Variants in WDR93 observed in about 807,000 individuals in gnomAD.
The protein encoded by WDR93 is WD repeat domain 93.
WDR93 carries 73 observed loss-of-function variants against 82.9 expected under a neutral mutation model. The observed-to-expected ratio is 0.88, with a 90% confidence interval of 0.73 to 1.07. The LOEUF is 1.07. Ranked by LOEUF, WDR93 falls within the 50% of genes least tolerant of loss-of-function variation. The pLI, the probability that WDR93 is intolerant of heterozygous loss-of-function variation, is 0.00. For missense variants in WDR93, 738 were observed against 826.0 expected (o/e 0.89, Z 1.31); for synonymous variants, 283 against 300.1 (o/e 0.94, Z 0.59).
intron 14 of WDR93, among the ~76,000 whole-genome samples, chr15:89,735,935 AAG>A (rs1488868136): frequency 1.3e-5 from 2 of 152,206 alleles, no homozygotes; most frequent in Admixed American, 1.3e-4. Context: ...CCATGGAGGC[AAG>A]AGAGCACCAC....
intron 14 of WDR93, among the ~76,000 whole-genome samples, 181 bp from the exon 15 acceptor site, chr15:89,737,392 G>A (rs1461727167): frequency 6.6e-6 from 1 of 152,210 alleles, no homozygotes; most frequent in African/African-American, 2.4e-5. Flanking sequence ...GGCTGAGGGG[G>A]ACCCCAAGCA....
intron 12 of WDR93, among the ~76,000 whole-genome samples, chr15:89,732,200 T>C (rs1202044682): frequency 1.3e-5 from 2 of 152,230 alleles, no homozygotes; most frequent in African/African-American, 4.8e-5. Flanking sequence ...TTTGCCATTT[T>C]GCAGTTGGAG....
At chr15:89,737,404 AC>A (rs1967289698) in intron 14 of WDR93, among the ~76,000 whole-genome samples, 168 bp from the exon 15 acceptor site, 1 of 152,182 alleles carries the variant, frequency 6.6e-6, no homozygotes, top group Non-Finnish European at 1.5e-5. Context: ...CCCCAAGCAC[AC>A]ATGTGTGTGC....
chr15:89,738,011 A>G (rs1307527358), intron 15 of WDR93, 30 bp from the exon 16 acceptor site: 1 of 1,573,484 alleles, frequency 6.4e-7, no homozygotes, highest in Non-Finnish European at 8.6e-7. Context: ...CGATTGTTAC[A>G]CAGAACATGG....
intron 14 of WDR93, among the ~76,000 whole-genome samples, chr15:89,736,181 C>A (rs112893821): frequency 0.038 from 5,784 of 152,226 alleles, 401 homozygotes; most frequent in African/African-American, 0.13. Flanking sequence ...CTCAGTTCGG[C>A]GATGGACTCC....
At chr15:89,718,827 C>T (rs1247069977) in intron 7 of WDR93, among the ~76,000 whole-genome samples, 1 of 152,156 alleles carries the variant, frequency 6.6e-6, no homozygotes, top group Non-Finnish European at 1.5e-5. Context: ...GTTGGCCAGG[C>T]TAGTCTCGAA....
chr15:89,727,388 C>T (rs1966781337), intron 9 of WDR93, 60 bp downstream of exon 9: 2 of 1,568,922 alleles, frequency 1.3e-6, no homozygotes, highest in Admixed American at 1.8e-5. Flanking sequence ...TGTCTTGGCA[C>T]ATGCAGGAAT....
chr15:89,742,919 T>G (rs964777778), intron 16 of WDR93, among the ~76,000 whole-genome samples: 1 of 152,240 alleles, frequency 6.6e-6, no homozygotes, highest in Non-Finnish European at 1.5e-5. Flanking sequence ...GACTGGCATA[T>G]TTCAGTCAGC....
intron 11 of WDR93, among the ~76,000 whole-genome samples, chr15:89,730,154 A>T (rs1038687261): frequency 2.0e-5 from 3 of 152,090 alleles, no homozygotes; most frequent in African/African-American, 7.2e-5. Flanking sequence ...GTGAAACCCC[A>T]TCTCTACTAA....
intron 1 of WDR93, among the ~76,000 whole-genome samples, chr15:89,694,355 C>T (rs1218392781): frequency 2.0e-5 from 3 of 151,452 alleles, no homozygotes; most frequent in African/African-American, 4.9e-5. Context: ...CTGCCTCAGC[C>T]CCCCGAGTAG....
At chr15:89,729,473 G>A (rs1448900532) in intron 10 of WDR93, among the ~76,000 whole-genome samples, 1 of 152,128 alleles carries the variant, frequency 6.6e-6, no homozygotes, top group Admixed American at 6.5e-5. Context: ...GCAAGAAGGC[G>A]GGTGGGCCCC....
chr15:89,705,745 C>T, intron 4 of WDR93, 127 bp downstream of exon 4: 1 of 687,766 alleles, frequency 1.5e-6, no homozygotes, highest in Admixed American at 2.7e-5. Context: ...GCCAGAGAGC[C>T]TCCTCCAAAA....
Position 89,720,498 on chromosome 15 carries a change from C to T in WDR93, c.796-1557C>T, listed in dbSNP as rs1032602429. 3.3e-5 allele frequency among the ~76,000 whole-genome samples: 5 copies of T among 152,248 alleles called. No homozygotes were observed. The South Asian group carries it at 6.2e-4, about 19-fold the overall frequency. On this transcript the variant is annotated intron_variant, in intron 7 of 16. Transcript: ENST00000268130. ...ATATTGGTCAGGCTGGTCTTGAACT[C>T]CTGACCTCGTGATTCGCCCGCCTCG...
intron 1 of WDR93, among the ~76,000 whole-genome samples, chr15:89,700,231 G>T (rs1226755472): frequency 6.6e-6 from 1 of 152,126 alleles, no homozygotes; most frequent in Admixed American, 6.6e-5. Context: ...TTCCAGTCTT[G>T]CTGGTGGAAA....
At chr15:89,695,856 A>C (rs1965144930) in intron 1 of WDR93, among the ~76,000 whole-genome samples, 1 of 122,198 alleles carries the variant, frequency 8.2e-6, no homozygotes, top group African/African-American at 3.3e-5. Flanking sequence ...TCACTCCGTC[A>C]CCCAGGCTGG....
rs540543692 is a variant in WDR93, at chr15:89,711,583, C to T, written c.562-443C>T. Among the ~76,000 whole-genome samples, 195 of 151,688 alleles carry T rather than the reference C, an allele frequency of 1.3e-3. 1 individual carries two copies. Among genetic ancestry groups the T allele is most frequent in the African/African-American group, 4.4e-3 (183 of 41,362 alleles). ...CACATTGAGCCCCTCTGACCTTATC[C>T]ACAATTTGAGCAGGTTTCATACTAA... On this transcript the variant is annotated intron_variant, in intron 4 of 16. Coordinates refer to ENST00000268130, the MANE Select transcript of WDR93 (RefSeq NM_020212.2).
At position 89,705,207 on chromosome 15, in the gene WDR93, A is replaced by C. The variant is rs550865607; in HGVS notation, c.497-347A>C. 4.5e-4 allele frequency: 111 copies of C among 246,032 alleles called. No homozygotes were observed. In the Middle Eastern group the frequency reaches 8.1e-3, roughly 18 times the overall value. 15.2% of individuals were successfully genotyped at this position (246,032 alleles called of 1,614,324 possible). On this transcript the variant is annotated intron_variant, in intron 3 of 16. Transcript: ENST00000268130. Reference sequence around the variant, plus strand: ...AAGAGGAATACAATACATTTGCAGGAAACAGTTGGATAATGGTGTGAAGCA... The same window carrying C: ...AAGAGGAATACAATACATTTGCAGGCAACAGTTGGATAATGGTGTGAAGCA...
At chr15:89,733,863 C>T (rs531086649) in intron 13 of WDR93, among the ~76,000 whole-genome samples, 2 of 152,212 alleles carry the variant, frequency 1.3e-5, no homozygotes, top group Non-Finnish European at 2.9e-5. Flanking sequence ...ATTAAGACAA[C>T]ATCCTTCCCA....
At chr15:89,712,842 T>C (rs1966055718) in intron 5 of WDR93, among the ~76,000 whole-genome samples, 1 of 152,096 alleles carries the variant, frequency 6.6e-6, no homozygotes, top group South Asian at 2.1e-4. Flanking sequence ...TACCACCTCC[T>C]GGCCAGGCGC....
Sources: gnomAD v4.1 joint callset for allele counts (sites outside exome capture counted in the v4.1 genomes callset) on GRCh38, gnomAD v4.1.1 for gene constraint, MANE v1.5 for transcripts, NCBI Gene and HGNC (gene_info 2026-07-23, HGNC 2026-07-21) for gene names.